CTNND2: variants seen among roughly 807,000 people sequenced by gnomAD.
CTNND2 encodes catenin delta 2, also known as catenin delta-2.
In CTNND2, 22 loss-of-function variants were observed where a neutral mutation model predicts 144.4. The ratio of observed to expected loss-of-function variants is 0.15; its 90% CI spans 0.11 to 0.22. CTNND2 has a LOEUF of 0.22. Ranked by LOEUF, CTNND2 falls within the 10% of genes least tolerant of loss-of-function variation. CTNND2 has a pLI of 1.00. For synonymous variants in CTNND2, 751 were observed against 695.6 expected (o/e 1.08, Z -1.25); for missense variants, 1,353 against 1,618.8 (o/e 0.84, Z 2.82).
At chr5:11,121,992 A>G (rs1337822491) in intron 12 of CTNND2, among the ~76,000 whole-genome samples, 1 of 152,210 alleles carries the variant, frequency 6.6e-6, no homozygotes, top group African/African-American at 2.4e-5. Flanking sequence ...TGGAGAGTAG[A>G]AAGCGTGTCA....
At chr5:11,258,105 G>A (rs183574322) in intron 9 of CTNND2, among the ~76,000 whole-genome samples, 5 of 152,278 alleles carry the variant, frequency 3.3e-5, no homozygotes, top group African/African-American at 1.2e-4. Flanking sequence ...CCTGAGTGCC[G>A]TGTTGGCAGG....
chr5:11,445,247 G>A (rs1023269304), intron 3 of CTNND2, among the ~76,000 whole-genome samples: 1 of 151,990 alleles, frequency 6.6e-6, no homozygotes, highest in East Asian at 1.9e-4. Flanking sequence ...GTCATTACCT[G>A]GTGTTCTCCT....
intron 9 of CTNND2, among the ~76,000 whole-genome samples, chr5:11,328,782 C>T (rs1179468669): frequency 6.6e-6 from 1 of 152,222 alleles, no homozygotes; most frequent in Non-Finnish European, 1.5e-5. Context: ...GGAATTCCCA[C>T]TGACCCACAG....
At chr5:11,639,774 A>C (rs770328535) in intron 2 of CTNND2, among the ~76,000 whole-genome samples, 15 of 152,198 alleles carry the variant, frequency 9.9e-5, no homozygotes, top group Non-Finnish European at 2.2e-4. Context: ...TCATAGAACA[A>C]ATTTCCTTTT....
intron 1 of CTNND2, among the ~76,000 whole-genome samples, chr5:11,832,854 C>T (rs555252239): frequency 6.6e-6 from 1 of 152,212 alleles, no homozygotes; most frequent in East Asian, 1.9e-4. Flanking sequence ...GGCAGGAGGA[C>T]TGCTTGAGCC....
chr5:11,895,271 C>A (rs1016249558), intron 1 of CTNND2, among the ~76,000 whole-genome samples: 6 of 152,118 alleles, frequency 3.9e-5, no homozygotes, highest in Non-Finnish European at 7.3e-5. Flanking sequence ...AAAGCAAACG[C>A]CAGAATTACA....
intron 2 of CTNND2, among the ~76,000 whole-genome samples, chr5:11,568,051 C>T (rs531009693): frequency 1.4e-3 from 214 of 152,278 alleles, no homozygotes; most frequent in African/African-American, 4.8e-3. Context: ...CCTATGAAGG[C>T]AAGACACTTC....
chr5:11,446,358 G>A (rs1475934821), intron 3 of CTNND2, among the ~76,000 whole-genome samples: 1 of 152,168 alleles, frequency 6.6e-6, no homozygotes, highest in Admixed American at 6.5e-5. Context: ...CTTCTCCTCG[G>A]TTCATGGGAG....
intron 10 of CTNND2, among the ~76,000 whole-genome samples, chr5:11,233,990 G>A (rs145875377): frequency 5.6e-4 from 85 of 152,170 alleles, no homozygotes; most frequent in African/African-American, 1.9e-3. Flanking sequence ...TTATCATGGG[G>A]CCTGGAAGTG....
At chr5:11,498,706 C>G (rs1770230681) in intron 3 of CTNND2, among the ~76,000 whole-genome samples, 1 of 152,178 alleles carries the variant, frequency 6.6e-6, no homozygotes, top group South Asian at 2.1e-4. Flanking sequence ...TCGCGTATAG[C>G]TAGATAATTT....
chr5:11,522,633 T>C (rs193055687), intron 3 of CTNND2, among the ~76,000 whole-genome samples: 199 of 152,288 alleles, frequency 1.3e-3, no homozygotes, highest in Middle Eastern at 6.8e-3. Flanking sequence ...TCTGTGTAAA[T>C]TGAAATTGCA....
At chr5:11,136,809 AT>A (rs1447531010) in intron 12 of CTNND2, among the ~76,000 whole-genome samples, 1 of 152,256 alleles carries the variant, frequency 6.6e-6, no homozygotes, top group Non-Finnish European at 1.5e-5. Context: ...GTCCAGGGTC[AT>A]TTCACTGAGT....
intron 3 of CTNND2, among the ~76,000 whole-genome samples, chr5:11,487,525 GCA>G (rs1226326160): frequency 3.3e-5 from 5 of 152,130 alleles, no homozygotes; most frequent in Non-Finnish European, 5.9e-5. Context: ...TGCAGGAAAT[GCA>G]CAGAGATCCA....
rs372227048 is a variant in CTNND2, at chr5:11,293,058, T to C, written c.1628+53314A>G. Among the ~76,000 whole-genome samples the C allele has an allele frequency of 2.6e-5, 4 of 152,336 alleles. No individual in the cohort carries two copies. In the East Asian group the frequency reaches 5.8e-4, roughly 22 times the overall value. ...AATGCTCACAATGACTCTGAAGTCA[T>C]CTAGAGTTAGAGATTCATATAATTA... On this transcript the variant is annotated intron_variant, in intron 9 of 21. Coordinates refer to ENST00000304623, the MANE Select transcript of CTNND2 (RefSeq NM_001332.4).
rs369328770 is a variant in CTNND2 at position 11,748,898 on chromosome 5, G to A, written c.38-16626C>T. ...GACCCTTTACACAAATAATATGGTA[G>A]ATGTGATGGTATATGATCCTGAGAC... On this transcript the variant is annotated intron_variant, in intron 1 of 21. Transcript: ENST00000304623. 5.3e-5 allele frequency among the ~76,000 whole-genome samples: 8 copies of A among 152,114 alleles called. No homozygotes were observed. The East Asian group carries it at 5.8e-4, about 11-fold the overall frequency.
intron 1 of CTNND2, among the ~76,000 whole-genome samples, chr5:11,827,001 C>T (rs1180830370): frequency 6.6e-6 from 1 of 151,924 alleles, no homozygotes; most frequent in Admixed American, 6.6e-5. Flanking sequence ...ACAAAACATT[C>T]CACACAAAAA....
intron 2 of CTNND2, among the ~76,000 whole-genome samples, chr5:11,667,468 G>A (rs961823063): frequency 7.9e-5 from 12 of 152,108 alleles, no homozygotes; most frequent in Non-Finnish European, 1.3e-4. Flanking sequence ...TCTAACTGGC[G>A]TGAAATGGTA....
intron 1 of CTNND2, among the ~76,000 whole-genome samples, chr5:11,734,451 G>C (rs1349315193): frequency 6.6e-6 from 1 of 152,124 alleles, no homozygotes; most frequent in Non-Finnish European, 1.5e-5. Context: ...GAGATCTGTA[G>C]CTCAAATGAA....
At chr5:11,481,021 G>C (rs1442768157) in intron 3 of CTNND2, among the ~76,000 whole-genome samples, 2 of 151,970 alleles carry the variant, frequency 1.3e-5, no homozygotes, top group African/African-American at 4.8e-5. Flanking sequence ...AGTTAAAAAA[G>C]AAAAAAGCTC....
Sources: allele counts gnomAD v4.1 joint callset (sites outside exome capture counted in the v4.1 genomes callset), GRCh38; gene constraint gnomAD v4.1.1; transcripts MANE v1.5; gene names NCBI Gene and HGNC (gene_info 2026-07-23, HGNC 2026-07-21).